Variants in NAV2 observed in about 807,000 individuals in gnomAD.
NAV2 encodes the protein neuron navigator 2, also known as helicase, APC down-regulated 1.
Under a neutral mutation model 223.2 loss-of-function variants are expected in NAV2, and 54 were observed. That is an observed-to-expected ratio of 0.24 (90% CI 0.19 to 0.30). The LOEUF is 0.30. Among genes scored for constraint, NAV2 ranks in the 10% least tolerant of loss-of-function variants. NAV2 has a pLI of 1.00. For missense variants in NAV2, 2,806 were observed against 3,147.5 expected (o/e 0.89, Z 2.60); for synonymous variants, 1,279 against 1,239.3 (o/e 1.03, Z -0.67).
intron 1 of NAV2, among the ~76,000 whole-genome samples, chr11:19,435,571 A>G (rs746043774): frequency 3.3e-5 from 5 of 152,156 alleles, no homozygotes; most frequent in East Asian, 1.9e-4. Flanking sequence ...ATTGATTTCA[A>G]TTCCTTTGAG....
At chr11:19,518,197 T>A (rs2043521086) in intron 1 of NAV2, among the ~76,000 whole-genome samples, 1 of 152,260 alleles carries the variant, frequency 6.6e-6, no homozygotes, top group Non-Finnish European at 1.5e-5. Flanking sequence ...ATTCATTCAG[T>A]CATTCAGCCA....
At chr11:19,647,821 C>T (rs1433217219) in intron 1 of NAV2, among the ~76,000 whole-genome samples, 2 of 152,218 alleles carry the variant, frequency 1.3e-5, no homozygotes, top group African/African-American at 4.8e-5. Context: ...TTTCTCCTAA[C>T]TGTGTCTGCT....
chr11:19,771,532 C>T (rs1328572902), intron 1 of NAV2, among the ~76,000 whole-genome samples: 2 of 151,918 alleles, frequency 1.3e-5, no homozygotes, highest in Non-Finnish European at 2.9e-5. Flanking sequence ...CCCACAGGGA[C>T]ATTGGGAGGG....
chr11:19,492,391 A>G (rs563135988), intron 1 of NAV2, among the ~76,000 whole-genome samples: 5 of 152,250 alleles, frequency 3.3e-5, no homozygotes, highest in Non-Finnish European at 7.3e-5. Flanking sequence ...ATATGTCCCT[A>G]AATTTACTGT....
At chr11:19,361,780 C>A (rs1404605565) in intron 1 of NAV2, among the ~76,000 whole-genome samples, 1 of 152,170 alleles carries the variant, frequency 6.6e-6, no homozygotes, top group Non-Finnish European at 1.5e-5. Flanking sequence ...AAGCCCTTTG[C>A]CTACGGTAAT....
At chr11:19,401,400 G>C (rs1330251921) in intron 1 of NAV2, among the ~76,000 whole-genome samples, 1 of 152,166 alleles carries the variant, frequency 6.6e-6, no homozygotes, top group Admixed American at 6.5e-5. Context: ...GTGTTGATAG[G>C]TAAATAAATA....
chr11:19,439,057 C>T (rs1316610928), intron 1 of NAV2, among the ~76,000 whole-genome samples: 1 of 152,136 alleles, frequency 6.6e-6, no homozygotes, highest in African/African-American at 2.4e-5. Context: ...CTCTGGCAGC[C>T]AGCCCCCATC....
rs146185951 is a variant in NAV2 at position 19,853,500 on chromosome 11, C to CTT, written c.438+10584_438+10585dup. The stretch of plus-strand genomic sequence containing the variant: ...AAACTCTCTTAAAACATCATGAGAT[C>CTT]TTTTTTTTGTGTGACTTTTTTAAAG... On this transcript the variant is annotated intron_variant, in intron 3 of 37. Coordinates refer to ENST00000349880, the MANE Select transcript of NAV2 (RefSeq NM_145117.5). Among the ~76,000 whole-genome samples, 1,265 of 152,036 alleles carry CTT rather than the reference C, an allele frequency of 8.3e-3. 13 individuals are homozygous for CTT. The highest frequency in any genetic ancestry group is 0.029 in the African/African-American group (1,200 of 41,444).
At chr11:20,002,805 ACTGT>A (rs2052683809) in intron 11 of NAV2, among the ~76,000 whole-genome samples, 1 of 152,102 alleles carries the variant, frequency 6.6e-6, no homozygotes, top group Non-Finnish European at 1.5e-5. Flanking sequence ...CGCCCCTGGA[ACTGT>A]CTGTGTCAGG....
chr11:19,926,415 G>C (rs1367382548), intron 6 of NAV2, among the ~76,000 whole-genome samples: 1 of 152,114 alleles, frequency 6.6e-6, no homozygotes, highest in East Asian at 1.9e-4. Context: ...TGGAGTTGGA[G>C]AGAAGACTGT....
chr11:19,615,991 G>C (rs1426481676), intron 1 of NAV2, among the ~76,000 whole-genome samples: 1 of 152,144 alleles, frequency 6.6e-6, no homozygotes, highest in Non-Finnish European at 1.5e-5. Context: ...TGCTCTCAGA[G>C]CTGTTTGTTT....
At chr11:19,733,590 T>A (rs1003872621) in intron 1 of NAV2, among the ~76,000 whole-genome samples, 2 of 152,186 alleles carry the variant, frequency 1.3e-5, no homozygotes, top group African/African-American at 2.4e-5. Context: ...GGACTGAGAC[T>A]TCCAGGGGAA....
At position 19,566,031 on chromosome 11, in the gene NAV2, GATTTTATTTTATTTTATTTTATTTT is replaced by G. The variant is rs56221634; in HGVS notation, c.75+215030_75+215054del. 6.4e-4 allele frequency among the ~76,000 whole-genome samples: 89 copies of G among 138,590 alleles called. 1 individual carries two copies. In the East Asian group the frequency reaches 0.017, roughly 26 times the overall value. 90.9% of individuals were successfully genotyped at this position (138,590 alleles called of 152,430 possible). A position where few individuals can be genotyped will look rare whatever the true frequency, so the allele number is the denominator to read the frequency against. On this transcript the variant is annotated intron_variant, in intron 1 of 37. Transcript: ENST00000360655. ...TGCAGCATGAAGAGCTATCCAAGGA[GATTTTATTTTATTTTATTTTATTTT>G]ATTTTATTTTATTTTATTTTATTTT... is the stretch of plus-strand genomic sequence containing the variant.
chr11:19,525,139 A>G (rs1211324971), intron 1 of NAV2, among the ~76,000 whole-genome samples: 1 of 152,240 alleles, frequency 6.6e-6, no homozygotes, highest in Non-Finnish European at 1.5e-5. Flanking sequence ...CAGATTTCAC[A>G]GAACTGGAGT....
chr11:19,713,560 T>A lies in NAV2; in HGVS notation c.-136T>A. 2 of 1,393,318 alleles carry A rather than the reference T, an allele frequency of 1.4e-6. No individual in the cohort carries two copies. The highest frequency in any genetic ancestry group is 1.9e-6 in the Non-Finnish European group (2 of 1,073,026). The allele number at this position is 1,393,318 out of a possible 1,614,324, so 86.3% of individuals were successfully genotyped here. A position where few individuals can be genotyped will look rare whatever the true frequency, so the allele number is the denominator to read the frequency against. ...GCTTCGAGTTCCCCGACCTGGGGAT[T>A]TTTTTTTTAGCCGCTGGTGGTGGGC... On this transcript the variant is annotated 5_prime_UTR_variant, in exon 1 of 38. Coordinates refer to ENST00000349880, the MANE Select transcript of NAV2 (RefSeq NM_145117.5). The surrounding 1 kb of genome is among the most constrained non-coding windows in gnomAD (Gnocchi z 7.2).
At chr11:19,758,407 G>A (rs1284937823) in intron 1 of NAV2, among the ~76,000 whole-genome samples, 1 of 152,210 alleles carries the variant, frequency 6.6e-6, no homozygotes, top group Non-Finnish European at 1.5e-5. Context: ...TAAAATGTAT[G>A]GGCAGTAGAG....
intron 6 of NAV2, among the ~76,000 whole-genome samples, chr11:19,908,858 G>A (rs984078599): frequency 6.6e-6 from 1 of 152,160 alleles, no homozygotes; most frequent in Non-Finnish European, 1.5e-5. Context: ...TGCTAGGGCT[G>A]TGGGGTGGGA....
At chr11:19,436,493 GA>G (rs1851220452) in intron 1 of NAV2, among the ~76,000 whole-genome samples, 1 of 152,080 alleles carries the variant, frequency 6.6e-6, no homozygotes, top group East Asian at 1.9e-4. Flanking sequence ...AATACATTTT[GA>G]AATCTTGTAG....
intron 1 of NAV2, among the ~76,000 whole-genome samples, chr11:19,501,159 G>A (rs1486271390): frequency 1.3e-5 from 2 of 152,128 alleles, no homozygotes; most frequent in Non-Finnish European, 2.9e-5. Flanking sequence ...ACTGTCTACA[G>A]TGGGGAAAGT....
Sources: allele counts gnomAD v4.1 joint callset (sites outside exome capture counted in the v4.1 genomes callset), GRCh38; gene constraint gnomAD v4.1.1; non-coding constraint Gnocchi (gnomAD v3.1); transcripts MANE v1.5; gene names NCBI Gene and HGNC (gene_info 2026-07-23, HGNC 2026-07-21).